SNCAIP: variants seen among roughly 807,000 people sequenced by gnomAD.
SNCAIP encodes the protein synuclein alpha interacting protein, also known as synphilin-1.
In SNCAIP, 43 loss-of-function variants were observed where a neutral mutation model predicts 86.7. That is an observed-to-expected ratio of 0.50 (90% CI 0.39 to 0.64). The LOEUF (loss-of-function observed/expected upper bound fraction) is 0.64, where lower values mean the gene tolerates loss of function less well. Ranked by LOEUF, SNCAIP falls within the 30% of genes least tolerant of loss-of-function variation. The pLI, the probability that SNCAIP is intolerant of heterozygous loss-of-function variation, is 0.00. For missense variants in SNCAIP, 981 were observed against 1,103.1 expected (o/e 0.89, Z 1.57); for synonymous variants, 417 against 427.2 (o/e 0.98, Z 0.29).
At position 122,463,827 on chromosome 5, in the gene SNCAIP, T is replaced by C. The variant is rs1787055613; in HGVS notation, c.*331T>C. The C allele has an allele frequency of 6.6e-6, 2 of 305,186 alleles. No homozygotes were observed. The highest frequency in any genetic ancestry group is 1.2e-5 in the Non-Finnish European group (2 of 165,372). The allele number at this position is 305,186 out of a possible 1,614,324, so 18.9% of individuals were successfully genotyped here. ...AAAATGTATGTTTTTTAAGAGTAGA[T>C]TGATTCACCCTACCCACAGGACATT... On this transcript the variant is annotated 3_prime_UTR_variant, in exon 11 of 11. Coordinates refer to ENST00000261368, the MANE Select transcript of SNCAIP (RefSeq NM_005460.4).
intron 1 of SNCAIP, among the ~76,000 whole-genome samples, chr5:122,333,467 G>A (rs1286357693): frequency 6.6e-6 from 1 of 152,186 alleles, no homozygotes; most frequent in Non-Finnish European, 1.5e-5. Flanking sequence ...GCAAGATCTA[G>A]TCCTTTGTAC....
At chr5:122,401,159 G>A (rs1377802767) in intron 2 of SNCAIP, 3 of 1,541,796 alleles carry the variant, frequency 1.9e-6, no homozygotes, top group Admixed American at 2.0e-5. Context: ...ACTTATAAAA[G>A]GCCATCTGTC....
intron 1 of SNCAIP, among the ~76,000 whole-genome samples, chr5:122,368,742 A>G (rs1029318474): frequency 3.3e-5 from 5 of 152,164 alleles, no homozygotes; most frequent in Non-Finnish European, 7.4e-5. Flanking sequence ...CAACATTAGT[A>G]TATCTAAAAG....
intron 1 of SNCAIP, among the ~76,000 whole-genome samples, chr5:122,325,054 C>T (rs1286873884): frequency 6.6e-6 from 1 of 152,072 alleles, no homozygotes; most frequent in Non-Finnish European, 1.5e-5. Flanking sequence ...CGTATTGAAC[C>T]CCTCAGTATT....
At chr5:122,389,065 GTTA>G (rs1360605225) in intron 1 of SNCAIP, 4 of 152,156 alleles carry the variant, frequency 2.6e-5, no homozygotes, top group African/African-American at 9.7e-5. Flanking sequence ...GATGCCATGA[GTTA>G]TTATCCGCTG....
At chr5:122,453,615 C>T (rs985547056) in intron 10 of SNCAIP, among the ~76,000 whole-genome samples, 4 of 152,186 alleles carry the variant, frequency 2.6e-5, no homozygotes, top group African/African-American at 7.2e-5. Context: ...AGGAGAGAAT[C>T]GAGTCCCCAG....
chr5:122,449,833 T>C lies in SNCAIP; in HGVS notation c.1593-12T>C. 1 of 1,604,524 alleles carries C rather than the reference T, an allele frequency of 6.2e-7. No individual in the cohort carries two copies. The highest frequency in any genetic ancestry group is 8.5e-7 in the Non-Finnish European group (1 of 1,171,230). ...TATCAGAGTCCTCATGTGTTTTGGT[T>C]GTTTTCCCCAGACAAACAGTAGAAC... On this transcript the variant is annotated splice_polypyrimidine_tract_variant and intron_variant, in intron 8 of 10. Coordinates refer to ENST00000261368, the MANE Select transcript of SNCAIP (RefSeq NM_005460.4).
intron 1 of SNCAIP, among the ~76,000 whole-genome samples, chr5:122,358,532 T>C (rs904730818): frequency 6.6e-6 from 1 of 151,924 alleles, no homozygotes; most frequent in African/African-American, 2.4e-5. Context: ...GAAAGGCACA[T>C]TTTTCCTGGT....
At chr5:122,324,406 A>G (rs920317644) in intron 1 of SNCAIP, among the ~76,000 whole-genome samples, 2 of 152,194 alleles carry the variant, frequency 1.3e-5, no homozygotes, top group Non-Finnish European at 2.9e-5. Context: ...ATAATTATTG[A>G]CTAATTCCTA....
At chr5:122,342,109 C>G (rs1275960224) in intron 1 of SNCAIP, among the ~76,000 whole-genome samples, 2 of 152,148 alleles carry the variant, frequency 1.3e-5, no homozygotes, top group Non-Finnish European at 1.5e-5. Flanking sequence ...CATTCTCTCA[C>G]TGGTCAGACT....
At chr5:122,440,563 C>T (rs1445433603) in intron 6 of SNCAIP, 66 bp from the exon 7 acceptor site, 4 of 1,492,640 alleles carry the variant, frequency 2.7e-6, no homozygotes, top group African/African-American at 2.8e-5. Flanking sequence ...TATTGTTTTC[C>T]TCTGTCTTTT....
At chr5:122,325,388 G>GCA (rs1753814094) in intron 1 of SNCAIP, among the ~76,000 whole-genome samples, 1 of 152,098 alleles carries the variant, frequency 6.6e-6, no homozygotes, top group East Asian at 1.9e-4. Context: ...CTACTACAAG[G>GCA]CACATGTGCT....
At chr5:122,443,812 T>C (rs778860101) in intron 7 of SNCAIP, 12 of 386,446 alleles carry the variant, frequency 3.1e-5, no homozygotes, top group Non-Finnish European at 5.7e-5. Context: ...CTTCAGATGC[T>C]GACTCTCCAG....
intron 3 of SNCAIP, among the ~76,000 whole-genome samples, chr5:122,413,508 C>T (rs1406816183): frequency 1.3e-5 from 2 of 152,158 alleles, no homozygotes. Context: ...TTCTTCAAAG[C>T]AGTTTACATT....
chr5:122,426,026 C>T (rs898412603), intron 5 of SNCAIP, among the ~76,000 whole-genome samples: 1 of 152,162 alleles, frequency 6.6e-6, no homozygotes, highest in African/African-American at 2.4e-5. Context: ...TTAGCTCTTG[C>T]AGAGCACAGT....
Position 122,451,871 on chromosome 5 carries a change from G to A in SNCAIP, c.2754+270G>A, listed in dbSNP as rs1783763631. The A allele has an allele frequency of 7.6e-6, 3 of 395,156 alleles. No individual in the cohort carries two copies. The Admixed American group carries it at 1.3e-4, about 17-fold the overall frequency. The allele number at this position is 395,156 out of a possible 1,614,324, so 24.5% of individuals were successfully genotyped here. ...TCTGGTCCATAAATTTCCCTAAATG[G>A]CCTAATCTTTAGGTGTTAGGGTCCT... On this transcript the variant is annotated intron_variant, in intron 10 of 10. Coordinates refer to ENST00000261368, the MANE Select transcript of SNCAIP (RefSeq NM_005460.4).
At chr5:122,354,268 A>G (rs1247688683) in intron 1 of SNCAIP, among the ~76,000 whole-genome samples, 1 of 152,142 alleles carries the variant, frequency 6.6e-6, no homozygotes, top group Admixed American at 6.5e-5. Context: ...TTGCCTTCCT[A>G]CTTCTACTTG....
Position 122,451,064 on chromosome 5 carries a change from C to T in SNCAIP, c.2217C>T (p.Ala739=), listed in dbSNP as rs917854730. Residue 739 remains alanine, a synonymous_variant, in exon 10 of 11, where the codon GCC becomes GCT. Coordinates refer to ENST00000261368, the MANE Select transcript of SNCAIP (RefSeq NM_005460.4). The part of the protein sequence containing the change: ...GGRRFPFSIK[A]SKSLDGHSPS... Reference sequence around the variant, plus strand: ...GCAGGTTTCCTTTCAGCATCAAGGCCTCCAAATCCCTGGATGGCCACAGCC... The same window carrying T: ...GCAGGTTTCCTTTCAGCATCAAGGCTTCCAAATCCCTGGATGGCCACAGCC... 7 of 1,614,022 alleles carry T rather than the reference C, an allele frequency of 4.3e-6. No homozygotes were observed. The Admixed American group carries it at 6.7e-5, about 15-fold the overall frequency.
At chr5:122,322,160 T>C (rs1286749947) in intron 1 of SNCAIP, among the ~76,000 whole-genome samples, 2 of 152,246 alleles carry the variant, frequency 1.3e-5, no homozygotes, top group Non-Finnish European at 2.9e-5. Context: ...GAGTCATCAC[T>C]ACTCCCTCTG....
Sources: gnomAD v4.1 joint callset for allele counts (sites outside exome capture counted in the v4.1 genomes callset) on GRCh38, gnomAD v4.1.1 for gene constraint, MANE v1.5 for transcripts, NCBI Gene and HGNC (gene_info 2026-07-23, HGNC 2026-07-21) for gene names.